Variants in DDB2 observed in about 807,000 individuals in gnomAD.
The protein encoded by DDB2 is damage specific DNA binding protein 2, also known as DNA damage-binding protein 2.
In DDB2, 27 loss-of-function variants were observed where a neutral mutation model predicts 50.5. The observed-to-expected ratio is 0.53, with a 90% CI of 0.39 to 0.74. DDB2 has a LOEUF of 0.74. Among genes scored for constraint, DDB2 ranks in the 30% least tolerant of loss-of-function variants. The pLI is 0.00. For synonymous variants in DDB2, 176 were observed against 205.5 expected (o/e 0.86, Z 1.23); for missense variants, 424 against 545.6 (o/e 0.78, Z 2.22).
chr11:47,223,259 T>C (rs1262233033), intron 3 of DDB2, among the ~76,000 whole-genome samples: 1 of 151,772 alleles, frequency 6.6e-6, no homozygotes, highest in Non-Finnish European at 1.5e-5. Flanking sequence ...CCAAGGCAAG[T>C]GGATCATTTG....
At chr11:47,225,189 C>A (rs1457291529) in intron 3 of DDB2, among the ~76,000 whole-genome samples, 1 of 151,722 alleles carries the variant, frequency 6.6e-6, no homozygotes, top group African/African-American at 2.4e-5. Context: ...ATCCACCCAC[C>A]TTGGCCTCCC....
chr11:47,230,168 C>A (rs1397575413), intron 3 of DDB2, among the ~76,000 whole-genome samples: 3 of 151,362 alleles, frequency 2.0e-5, no homozygotes, highest in Non-Finnish European at 4.4e-5. Flanking sequence ...TGACACACAC[C>A]TATAGCCTAT....
chr11:47,233,021 A>G, intron 4 of DDB2, 62 bp downstream of exon 4: 1 of 1,577,724 alleles, frequency 6.3e-7, no homozygotes, highest in South Asian at 1.1e-5. Flanking sequence ...CGGCAAGAGC[A>G]TCCAGATCCC....
chr11:47,217,589 A>G (rs1215225797), intron 3 of DDB2, among the ~76,000 whole-genome samples: 1 of 151,946 alleles, frequency 6.6e-6, no homozygotes, highest in Non-Finnish European at 1.5e-5. Context: ...TTGATCACCC[A>G]TAGAATTGAA....
intron 3 of DDB2, among the ~76,000 whole-genome samples, chr11:47,224,104 C>G (rs1307234527): frequency 6.6e-6 from 1 of 152,082 alleles, no homozygotes; most frequent in Non-Finnish European, 1.5e-5. Context: ...CAAAACAAAA[C>G]AAAACATCCT....
At chr11:47,231,826 G>T (rs1953654034) in intron 3 of DDB2, among the ~76,000 whole-genome samples, 2 of 152,214 alleles carry the variant, frequency 1.3e-5, no homozygotes, top group South Asian at 4.2e-4. Context: ...TTCTATGAGG[G>T]CAAAACAATA....
In DDB2 at chr11:47,225,096, C is replaced by G. The variant is rs1180562630; in HGVS notation, c.457-7718C>G. 3.3e-5 allele frequency among the ~76,000 whole-genome samples: 5 copies of G among 151,806 alleles called. No homozygotes were observed. In the East Asian group the frequency reaches 7.9e-4, roughly 24 times the overall value. On this transcript the variant is annotated intron_variant, in intron 3 of 9. Coordinates refer to ENST00000256996, the MANE Select transcript of DDB2 (RefSeq NM_000107.3). ...CTGGGATTACAAGTGTGCACCACCA[C>G]GCCCAGCTAATTTTTGTATTTTTAG...
At chr11:47,238,769 G>A (rs771105355) in intron 9 of DDB2, 31 bp from the exon 10 acceptor site, 2 of 1,612,380 alleles carry the variant, frequency 1.2e-6, no homozygotes, top group Non-Finnish European at 1.7e-6. Context: ...GTAACAGAAA[G>A]TGTAAGTCAG....
intron 3 of DDB2, among the ~76,000 whole-genome samples, chr11:47,217,740 A>G (rs780099821): frequency 3.3e-5 from 5 of 151,986 alleles, no homozygotes; most frequent in Non-Finnish European, 5.9e-5. Flanking sequence ...AGATACAAAA[A>G]ATTAGCTGGA....
rs373937334 is a variant in DDB2, at chr11:47,218,014, C to T, written c.456+965C>T. 7.2e-5 allele frequency among the ~76,000 whole-genome samples: 11 copies of T among 152,320 alleles called. No individual in the cohort carries two copies. The East Asian group carries it at 7.7e-4, about 11-fold the overall frequency. On this transcript the variant is annotated intron_variant, in intron 3 of 9. Coordinates refer to ENST00000256996, the MANE Select transcript of DDB2 (RefSeq NM_000107.3). ...TCCTGAAACCGGGTCTCTGTAATTGCTGTTCCCTTTGACTGGAGTGCTTTT... is the reference window on the plus strand; with the variant it reads ...TCCTGAAACCGGGTCTCTGTAATTGTTGTTCCCTTTGACTGGAGTGCTTTT...
intron 3 of DDB2, among the ~76,000 whole-genome samples, chr11:47,226,283 T>C (rs1953556613): frequency 1.3e-5 from 2 of 151,608 alleles, no homozygotes; most frequent in Admixed American, 1.3e-4. Flanking sequence ...ATTTTCTTTT[T>C]TTTTTTTTTT....
In DDB2 at chr11:47,237,958, T is replaced by C. The variant is rs750593401; in HGVS notation, c.1145T>C (p.Met382Thr). 2 of 1,614,180 alleles carry C rather than the reference T, an allele frequency of 1.2e-6. No homozygotes were observed. Among genetic ancestry groups the C allele is most frequent in the Admixed American group, 1.7e-5 (1 of 60,022 alleles). The change falls in exon 8 of 10, where the codon ATG (methionine) becomes ACG (threonine). Residue 382 changes from methionine (M) to threonine (T), a missense_variant. By Grantham distance (81) the Met-to-Thr change is moderately conservative (BLOSUM62 -1). Transcript: ENST00000256996. ...GTGTTCGATGGAAACTCAGGGAAGA[T>C]GATGTGTCAGCTCTATGACCCAGAA... is the stretch of plus-strand genomic sequence containing the variant. ...IDVFDGNSGK[M>T]MCQLYDPESS...
In DDB2 at chr11:47,228,977, A is replaced by ATTATC. The variant is rs1554974378; in HGVS notation, c.457-3836_457-3835insTATCT. On this transcript the variant is annotated intron_variant, in intron 3 of 9. Transcript: ENST00000256996. ...ATCTCAAAAAAAAAAAAAAAAAGAA[A>ATTATC]TATCTATCTATCTATCTATCTATCT... Among the ~76,000 whole-genome samples, 102 of 124,690 alleles carry ATTATC rather than the reference A, an allele frequency of 8.2e-4. 1 individual carries two copies. The highest frequency in any genetic ancestry group is 1.4e-3 in the African/African-American group (48 of 34,276). 81.8% of individuals were successfully genotyped at this position (124,690 alleles called of 152,430 possible).
intron 3 of DDB2, among the ~76,000 whole-genome samples, chr11:47,217,582 A>G (rs1049157823): frequency 1.3e-5 from 2 of 151,874 alleles, no homozygotes; most frequent in African/African-American, 4.8e-5. Flanking sequence ...TAGACTATTG[A>G]TCACCCATAG....
chr11:47,238,245 C>A, intron 9 of DDB2, 62 bp downstream of exon 9: 4 of 1,467,104 alleles, frequency 2.7e-6, no homozygotes, highest in Non-Finnish European at 2.8e-6. Context: ...AGGTTCAGTG[C>A]GGGCCAGCCT....
intron 3 of DDB2, among the ~76,000 whole-genome samples, chr11:47,226,101 A>C (rs1046095982): frequency 2.6e-5 from 4 of 152,060 alleles, no homozygotes; most frequent in Non-Finnish European, 4.4e-5. Flanking sequence ...TGAGACCCCG[A>C]TTTCAGTTCT....
At position 47,235,346 on chromosome 11, in the gene DDB2, G is replaced by C. The variant is rs1565156807; in HGVS notation, c.957G>C (p.Gln319His). 1 of 1,614,118 alleles carries C rather than the reference G, an allele frequency of 6.2e-7. No individual in the cohort carries two copies. The highest frequency in any genetic ancestry group is 1.3e-5 in the African/African-American group (1 of 75,056). ...AGATCCGAGTTTACTCTGCTTCCCA[G>C]TGGGACTGCCCCCTGGGCCTGATCC... is the stretch of plus-strand genomic sequence containing the variant. ...KSEIRVYSASQWDCPLGLIPH... is the reference protein window; with the variant it reads ...KSEIRVYSASHWDCPLGLIPH... The change falls in exon 7 of 10, where the codon CAG becomes CAC. Residue 319 changes from glutamine to histidine, a missense_variant. Transcript: ENST00000256996.
intron 3 of DDB2, among the ~76,000 whole-genome samples, chr11:47,231,893 G>C (rs1953654889): frequency 6.6e-6 from 1 of 152,142 alleles, no homozygotes; most frequent in Non-Finnish European, 1.5e-5. Flanking sequence ...TGATTACAAT[G>C]GGATACCACG....
Position 47,216,412 on chromosome 11 carries a change from C to T in DDB2, c.204C>T (p.Ser68=). ...CACAGATCCTGCCACCATGCCGCAG[C>T]ATCGTCAGGACCCTCCACCAGCATA... ...AGPQILPPCR[S]IVRTLHQHKL... is the part of the protein sequence containing the mutation. Residue 68 remains serine (S), a synonymous_variant, in exon 2 of 10, where the codon AGC becomes AGT. Coordinates refer to ENST00000256996, the MANE Select transcript of DDB2 (RefSeq NM_000107.3). 1 of 1,614,140 alleles carries T rather than the reference C, an allele frequency of 6.2e-7. No homozygotes were observed. The highest frequency in any genetic ancestry group is 1.7e-5 in the Admixed American group (1 of 60,020).
Sources: allele counts gnomAD v4.1 joint callset (sites outside exome capture counted in the v4.1 genomes callset), GRCh38; gene constraint gnomAD v4.1.1; transcripts MANE v1.5; gene names NCBI Gene and HGNC (gene_info 2026-07-23, HGNC 2026-07-21).